Variants in PDZRN4 observed in about 807,000 individuals in gnomAD.
PDZRN4 encodes PDZ domain containing ring finger 4, also known as PDZ domain-containing RING finger protein 4.
Under a neutral mutation model 99.0 loss-of-function variants are expected in PDZRN4, and 70 were observed. The observed-to-expected ratio is 0.71, with a 90% confidence interval of 0.58 to 0.86. The LOEUF is 0.86. Among genes scored for constraint, PDZRN4 ranks in the 40% least tolerant of loss-of-function variants. The pLI is 0.00. For missense variants in PDZRN4, 1,474 were observed against 1,331.2 expected (o/e 1.11, Z -1.67); for synonymous variants, 551 against 501.6 (o/e 1.10, Z -1.32).
chr12:41,535,829 C>G (rs570826699), intron 5 of PDZRN4, among the ~76,000 whole-genome samples: 8 of 152,302 alleles, frequency 5.3e-5, no homozygotes, highest in Admixed American at 5.2e-4. Context: ...GCTGGCCCCT[C>G]CAGCTTAGAC....
intron 5 of PDZRN4, among the ~76,000 whole-genome samples, chr12:41,533,934 T>A (rs1938706799): frequency 6.6e-6 from 1 of 152,192 alleles, no homozygotes; most frequent in South Asian, 2.1e-4. Flanking sequence ...TCATCCAATT[T>A]TTTTTCTCTC....
chr12:41,243,311 T>C (rs1484247959), intron 3 of PDZRN4, among the ~76,000 whole-genome samples: 3 of 152,236 alleles, frequency 2.0e-5, no homozygotes, highest in Non-Finnish European at 4.4e-5. Flanking sequence ...GGATTTGTTT[T>C]AATTTTTATT....
At chr12:41,405,236 T>C (rs1464057330) in intron 3 of PDZRN4, among the ~76,000 whole-genome samples, 2 of 151,936 alleles carry the variant, frequency 1.3e-5, no homozygotes, top group East Asian at 3.9e-4. Flanking sequence ...GAATCGATAA[T>C]GAACTTAATT....
At chr12:41,569,442 A>G (rs1404292239) in intron 9 of PDZRN4, among the ~76,000 whole-genome samples, 1 of 151,688 alleles carries the variant, frequency 6.6e-6, no homozygotes, top group Non-Finnish European at 1.5e-5. Context: ...TTTAGTAGAG[A>G]TGGGGTTTCA....
chr12:41,352,940 A>T (rs1336307497), intron 3 of PDZRN4, among the ~76,000 whole-genome samples: 1 of 152,152 alleles, frequency 6.6e-6, no homozygotes. Flanking sequence ...GATTAAATGC[A>T]ATAGGAATTT....
At chr12:41,408,029 G>T (rs191724529) in intron 3 of PDZRN4, among the ~76,000 whole-genome samples, 1 of 152,320 alleles carries the variant, frequency 6.6e-6, no homozygotes, top group East Asian at 1.9e-4. Flanking sequence ...TTTAGAGTGT[G>T]ATGTTTGATA....
intron 3 of PDZRN4, among the ~76,000 whole-genome samples, chr12:41,374,352 CA>C: frequency 6.6e-6 from 1 of 151,970 alleles, no homozygotes; most frequent in Non-Finnish European, 1.5e-5. Context: ...TGCATGTGGG[CA>C]ATGCAGTCAG....
chr12:41,194,844 T>C (rs571784321), intron 3 of PDZRN4, among the ~76,000 whole-genome samples: 1 of 152,314 alleles, frequency 6.6e-6, no homozygotes, highest in South Asian at 2.1e-4. Context: ...ATGATAAATC[T>C]CTGTTGAGGA....
At chr12:41,439,327 A>G (rs1216604054) in intron 3 of PDZRN4, among the ~76,000 whole-genome samples, 3 of 152,154 alleles carry the variant, frequency 2.0e-5, no homozygotes, top group Non-Finnish European at 4.4e-5. Context: ...ACTTTGACTC[A>G]TGAAAACAGT....
At chr12:41,298,140 C>G (rs1951508201) in intron 3 of PDZRN4, among the ~76,000 whole-genome samples, 1 of 151,996 alleles carries the variant, frequency 6.6e-6, no homozygotes, top group South Asian at 2.1e-4. Context: ...ATTATAGAAA[C>G]AATGTCAGAA....
chr12:41,413,753 G>GT (rs985740374), intron 3 of PDZRN4, among the ~76,000 whole-genome samples: 1 of 151,976 alleles, frequency 6.6e-6, no homozygotes, highest in Non-Finnish European at 1.5e-5. Context: ...GCTATGTCTT[G>GT]TTTTTTTAAT....
chr12:41,258,280 T>A (rs964586260), intron 3 of PDZRN4, among the ~76,000 whole-genome samples: 7 of 152,224 alleles, frequency 4.6e-5, no homozygotes, highest in Non-Finnish European at 8.8e-5. Flanking sequence ...CTTGTTTAAT[T>A]TTTAGCCATT....
intron 3 of PDZRN4, among the ~76,000 whole-genome samples, chr12:41,229,054 C>A (rs1051710486): frequency 7.9e-5 from 12 of 151,784 alleles, no homozygotes; most frequent in African/African-American, 2.9e-4. Flanking sequence ...CAATCAAATT[C>A]TGCATGATGT....
Position 41,396,123 on chromosome 12 carries a change from G to T in PDZRN4, c.844-110333G>T, listed in dbSNP as rs552345632. The stretch of plus-strand genomic sequence containing the variant: ...CGACTTTGATGATTTGCTTGGAAAT[G>T]ACCTTAATTAGGTCATCACATTTTA... On this transcript the variant is annotated intron_variant, in intron 3 of 9. Coordinates refer to ENST00000402685, the MANE Select transcript of PDZRN4 (RefSeq NM_001164595.2). 7.9e-5 allele frequency among the ~76,000 whole-genome samples: 12 copies of T among 152,174 alleles called. No individual in the cohort carries two copies. In the South Asian group the frequency reaches 1.7e-3, roughly 21 times the overall value.
intron 3 of PDZRN4, among the ~76,000 whole-genome samples, chr12:41,317,048 G>GTATACATACATATATATATATATA (rs374645706): frequency 0.092 from 6,375 of 69,250 alleles, 1,446 homozygotes; most frequent in Admixed American, 0.14. Context: ...CTTACATAAA[G>GTATACATACATATATATATATATA]TATATATATA....
chr12:41,512,654 T>C (rs1227886449), intron 5 of PDZRN4, among the ~76,000 whole-genome samples: 1 of 151,930 alleles, frequency 6.6e-6, no homozygotes, highest in Admixed American at 6.6e-5. Flanking sequence ...TGCTGGAACA[T>C]AGGAAAGCCA....
At chr12:41,355,190 C>T (rs1291259031) in intron 3 of PDZRN4, among the ~76,000 whole-genome samples, 2 of 151,994 alleles carry the variant, frequency 1.3e-5, no homozygotes, top group Non-Finnish European at 2.9e-5. Context: ...AATTGGCTAC[C>T]AGAGGGAGTG....
At chr12:41,429,091 C>A (rs775598426) in intron 3 of PDZRN4, among the ~76,000 whole-genome samples, 2 of 152,118 alleles carry the variant, frequency 1.3e-5, no homozygotes, top group Admixed American at 1.3e-4. Flanking sequence ...CCAATGGAAA[C>A]GTCAGTGGTC....
chr12:41,367,007 G>A (rs541194785), intron 3 of PDZRN4, among the ~76,000 whole-genome samples: 1 of 152,044 alleles, frequency 6.6e-6, no homozygotes, highest in Admixed American at 6.6e-5. Flanking sequence ...AGACCTACGG[G>A]GAGCTGTTTG....
Sources: gnomAD v4.1 joint callset for allele counts (sites outside exome capture counted in the v4.1 genomes callset) on GRCh38, gnomAD v4.1.1 for gene constraint, MANE v1.5 for transcripts, NCBI Gene and HGNC (gene_info 2026-07-23, HGNC 2026-07-21) for gene names.